Variants in RGS3 observed in about 807,000 individuals in gnomAD.
RGS3 encodes the protein regulator of G-protein signalling 3.
In RGS3, 80 loss-of-function variants were observed where a neutral mutation model predicts 132.6. The ratio of observed to expected loss-of-function variants is 0.60; its 90% CI spans 0.50 to 0.73. RGS3 has a LOEUF of 0.73. Ranked by LOEUF, RGS3 falls within the 30% of genes least tolerant of loss-of-function variation. The pLI is 0.00. For synonymous variants in RGS3, 598 were observed against 620.6 expected, an observed-to-expected ratio of 0.96 and a Z score of 0.54; for missense variants, 1,382 against 1,530.8, an observed-to-expected ratio of 0.90 and a Z score of 1.62.
chr9:113,569,819 C>T (rs754979254), intron 19 of RGS3, among the ~76,000 whole-genome samples: 2 of 152,088 alleles, frequency 1.3e-5, no homozygotes, highest in Non-Finnish European at 2.9e-5. Context: ...CTGTGGGACT[C>T]CCCAGGGAAG....
intron 19 of RGS3, among the ~76,000 whole-genome samples, chr9:113,558,611 T>G (rs114025507): frequency 0.015 from 2,251 of 152,186 alleles, 63 homozygotes; most frequent in African/African-American, 0.051. Context: ...ACTGTATGTG[T>G]AAGTATCATG....
In RGS3 at chr9:113,484,161, T is replaced by G. The variant is rs747233809; in HGVS notation, c.549T>G (p.Ser183Arg). ...AGATTTCTTTGATCCCTGAAGATAGTAGACTACGCCACCAGAAGACGCAGA... is the reference window on the plus strand; with the variant it reads ...AGATTTCTTTGATCCCTGAAGATAGGAGACTACGCCACCAGAAGACGCAGA... The change falls in exon 6 of 25, where the codon AGT becomes AGG. Residue 183 changes from serine (S) to arginine (R), a missense_variant. Physicochemically the swap from Ser to Arg is moderately radical, Grantham distance 110. Transcript: ENST00000350696. 6.8e-6 allele frequency: 11 copies of G among 1,611,188 alleles called. No homozygotes were observed. In the Admixed American group the frequency reaches 1.7e-4, roughly 24 times the overall value.
Position 113,565,230 on chromosome 9 carries a change from A to G in RGS3, c.2038-18220A>G. The stretch of plus-strand genomic sequence containing the variant: ...GGTGGGCAGAAGGACGGGCTGGCCC[A>G]GGACCCTCTTCTTTGAGACATCCCG... On this transcript the variant is annotated intron_variant, in intron 19 of 24. Coordinates refer to ENST00000350696, the Ensembl canonical transcript of RGS3. This position sits in a 1 kb window ranked among gnomAD's most constrained non-coding sequence, Gnocchi z 5.7. 7.8e-7 allele frequency: 1 copy of G among 1,281,802 alleles called. No individual in the cohort carries two copies. The highest frequency in any genetic ancestry group is 1.5e-5 in the African/African-American group (1 of 65,750). 79.4% of individuals were successfully genotyped at this position (1,281,802 alleles called of 1,614,324 possible). A position where few individuals can be genotyped will look rare whatever the true frequency, so the allele number is the denominator to read the frequency against.
At position 113,463,587 on chromosome 9, in the gene RGS3, T is replaced by TCCCCCCCCCC; in HGVS notation, c.415+1391_415+1392insCCCCCCCCCC. On this transcript the variant is annotated intron_variant, in intron 3 of 24. Transcript: ENST00000350696. The surrounding 1 kb of genome is among the most constrained non-coding windows in gnomAD (Gnocchi z 4.6). ...CTCAGCGCGGGTCGGCGGCGCCGCC[T>TCCCCCCCCCC]CCCCCACCCCGGCCCAGCTCTGCTC... is the stretch of plus-strand genomic sequence containing the variant. The TCCCCCCCCCC allele has an allele frequency of 1.9e-6, 1 of 536,304 alleles. No individual in the cohort carries two copies. The highest frequency in any genetic ancestry group is 2.7e-6 in the Non-Finnish European group (1 of 373,862). The allele number at this position is 536,304 out of a possible 1,614,324, so 33.2% of individuals were successfully genotyped here.
rs1004306368 is a variant in RGS3 at position 113,506,216 on chromosome 9, C to A, written c.980-172C>A. Among the ~76,000 whole-genome samples, 1 of 152,008 alleles carries A rather than the reference C, an allele frequency of 6.6e-6. No homozygotes were observed. Among genetic ancestry groups the A allele is most frequent in the Non-Finnish European group, 1.5e-5 (1 of 68,012 alleles). On this transcript the variant is annotated intron_variant, in intron 11 of 24. Coordinates refer to ENST00000350696, the Ensembl canonical transcript of RGS3. This position sits in a 1 kb window ranked among gnomAD's most constrained non-coding sequence, Gnocchi z 4.7. Reference sequence around the variant, plus strand: ...AGAAGGGAAGGCAAAGGGATGCCTTCTTTCAAGGCTCTTGAGAGGCACCAA... The same window carrying A: ...AGAAGGGAAGGCAAAGGGATGCCTTATTTCAAGGCTCTTGAGAGGCACCAA...
chr9:113,518,156 T>C (rs1831769318), intron 16 of RGS3, among the ~76,000 whole-genome samples: 1 of 152,004 alleles, frequency 6.6e-6, no homozygotes, highest in African/African-American at 2.4e-5. Context: ...TTTTCTCTAA[T>C]TGGGAGAACT....
chr9:113,485,962 A>G (rs907141894), intron 7 of RGS3, among the ~76,000 whole-genome samples: 2 of 152,202 alleles, frequency 1.3e-5, no homozygotes, highest in African/African-American at 4.8e-5. Flanking sequence ...TACACATGGA[A>G]ATTTATTCTC....
In RGS3 at chr9:113,515,300, C is replaced by G. The variant is rs578081542; in HGVS notation, c.1674+646C>G. Among the ~76,000 whole-genome samples, 254 of 151,484 alleles carry G rather than the reference C, an allele frequency of 1.7e-3. 2 individuals carry two copies. Among genetic ancestry groups the G allele is most frequent in the Non-Finnish European group, 8.6e-4 (58 of 67,810 alleles). On this transcript the variant is annotated intron_variant, in intron 15 of 24. Coordinates refer to ENST00000350696, the Ensembl canonical transcript of RGS3. ...TGCACTCCAGCCTCTTCTTCTTCCC[C>G]CTTTTCCTCCCCATTTATCTCTCCT... is the stretch of plus-strand genomic sequence containing the variant.
At chr9:113,485,720 G>A in intron 7 of RGS3, 27 bp downstream of exon 5, 2 of 1,550,106 alleles carry the variant, frequency 1.3e-6, no homozygotes, top group East Asian at 4.6e-5. Context: ...AGCTGGAGGG[G>A]GACTCTGCTC....
chr9:113,458,093 A>G (rs1250586874), upstream of RGS3, among the ~76,000 whole-genome samples: 1 of 152,232 alleles, frequency 6.6e-6, no homozygotes, highest in African/African-American at 2.4e-5. Context: ...TGCATGATCG[A>G]GTCAGTAGAG....
intron 3 of RGS3, among the ~76,000 whole-genome samples, chr9:113,469,962 G>A (rs113805641): frequency 0.017 from 2,535 of 151,006 alleles, 28 homozygotes; most frequent in Non-Finnish European, 0.027. Flanking sequence ...CCAGGCTGGA[G>A]TGCAGTGGCG....
At chr9:113,489,702 T>C (rs1040412980) in intron 7 of RGS3, among the ~76,000 whole-genome samples, 1 of 151,884 alleles carries the variant, frequency 6.6e-6, no homozygotes, top group Non-Finnish European at 1.5e-5. Flanking sequence ...TAATTTTTTT[T>C]TTTTTTTTGT....
intron 1 of RGS3, among the ~76,000 whole-genome samples, chr9:113,453,166 G>T (rs1829295181): frequency 1.7e-5 from 2 of 118,728 alleles, no homozygotes; most frequent in Non-Finnish European, 3.3e-5. Context: ...ATACTCATAT[G>T]ATTATATAAT....
intron 19 of RGS3, among the ~76,000 whole-genome samples, chr9:113,572,328 A>C (rs549510773): frequency 6.6e-6 from 1 of 151,818 alleles, no homozygotes; most frequent in Non-Finnish European, 1.5e-5. Context: ...TTTGGAGAAG[A>C]CTGTAAATTC....
chr9:113,540,562 C>T (rs911644970), intron 19 of RGS3, among the ~76,000 whole-genome samples: 3 of 152,180 alleles, frequency 2.0e-5, no homozygotes, highest in African/African-American at 4.8e-5. Context: ...GCTCAGTACC[C>T]TTCATGTGCC....
chr9:113,577,916 A>G (rs1245161090), intron 19 of RGS3, among the ~76,000 whole-genome samples: 5 of 152,246 alleles, frequency 3.3e-5, no homozygotes, highest in Non-Finnish European at 7.3e-5. Context: ...TAGGCTCCAC[A>G]AGGACAAGGA....
chr9:113,550,929 T>C (rs1165687706), intron 19 of RGS3, among the ~76,000 whole-genome samples: 3 of 152,228 alleles, frequency 2.0e-5, no homozygotes, highest in African/African-American at 4.8e-5. Context: ...TTCTGACTTA[T>C]TAGTCATATC....
chr9:113,550,175 C>T (rs1347537167), intron 19 of RGS3, among the ~76,000 whole-genome samples: 1 of 152,146 alleles, frequency 6.6e-6, no homozygotes, highest in Non-Finnish European at 1.5e-5. Flanking sequence ...CCAGTCTAGC[C>T]AACATGGTGA....
intron 1 of RGS3, among the ~76,000 whole-genome samples, chr9:113,445,525 T>G (rs755921283): frequency 1.3e-4 from 20 of 152,086 alleles, no homozygotes; most frequent in African/African-American, 2.2e-4. Flanking sequence ...CTAAGCACAC[T>G]TCCTAGTGAC....
Sources: gnomAD v4.1 joint callset for allele counts (sites outside exome capture counted in the v4.1 genomes callset) on GRCh38, gnomAD v4.1.1 for gene constraint, Gnocchi (gnomAD v3.1) non-coding constraint, MANE v1.5 for transcripts, NCBI Gene and HGNC (gene_info 2026-07-23, HGNC 2026-07-21) for gene names.